The following SPAG16 variants were observed in gnomAD, a reference collection of about 807,000 sequenced individuals.
The protein encoded by SPAG16 is sperm-associated antigen 16 protein.
SPAG16 carries 86 observed loss-of-function variants against 80.4 expected under a neutral mutation model. The ratio of observed to expected loss-of-function variants is 1.07; its 90% CI spans 0.90 to 1.28. SPAG16 has a LOEUF of 1.28. SPAG16 is among the 50% of genes most tolerant of loss of function. The pLI is 0.00. For missense variants in SPAG16, 870 were observed against 765.3 expected, an observed-to-expected ratio of 1.14 and a Z score of -1.61; for synonymous variants, 294 against 265.9, an observed-to-expected ratio of 1.11 and a Z score of -1.03.
intron 15 of SPAG16, among the ~76,000 whole-genome samples, chr2:214,327,620 T>C (rs1031003647): frequency 6.6e-6 from 1 of 152,190 alleles, no homozygotes; most frequent in Non-Finnish European, 1.5e-5. Context: ...AGGGCAATAG[T>C]ATACTTTTTA....
At chr2:213,369,450 A>C (rs1395993243) in intron 8 of SPAG16, among the ~76,000 whole-genome samples, 2 of 152,212 alleles carry the variant, frequency 1.3e-5, no homozygotes, top group Non-Finnish European at 2.9e-5. Flanking sequence ...GAAATGTTTT[A>C]TATCTTAATT....
intron 15 of SPAG16, among the ~76,000 whole-genome samples, chr2:214,332,584 C>T (rs1326122938): frequency 6.6e-6 from 1 of 152,062 alleles, no homozygotes; most frequent in Admixed American, 6.6e-5. Context: ...TCAGAGGTAC[C>T]ACATCTGATA....
chr2:214,232,872 G>A (rs1351684926), intron 15 of SPAG16, among the ~76,000 whole-genome samples: 1 of 151,860 alleles, frequency 6.6e-6, no homozygotes, highest in Non-Finnish European at 1.5e-5. Context: ...CATTAGTTAA[G>A]AGGAGCATTA....
At chr2:213,375,914 G>A (rs562927867) in intron 9 of SPAG16, among the ~76,000 whole-genome samples, 26 of 150,196 alleles carry the variant, frequency 1.7e-4, no homozygotes, top group African/African-American at 6.1e-4. Flanking sequence ...TTGGATTCTG[G>A]TATTGTATAA....
chr2:214,308,438 A>ATGAT (rs1327266226), intron 15 of SPAG16, among the ~76,000 whole-genome samples: 1 of 152,092 alleles, frequency 6.6e-6, no homozygotes, highest in Non-Finnish European at 1.5e-5. Context: ...ATGGTGTTAG[A>ATGAT]TGATTATTTT....
intron 15 of SPAG16, among the ~76,000 whole-genome samples, chr2:214,166,694 G>A (rs2056670533): frequency 6.6e-6 from 1 of 152,156 alleles, no homozygotes; most frequent in African/African-American, 2.4e-5. Flanking sequence ...TTCCTGGCGG[G>A]GCCCTGACCG....
chr2:213,541,343 G>A (rs2076440280), intron 10 of SPAG16, among the ~76,000 whole-genome samples: 1 of 152,224 alleles, frequency 6.6e-6, no homozygotes. Flanking sequence ...CTTGGGCCAT[G>A]CACGGTGGCT....
intron 15 of SPAG16, among the ~76,000 whole-genome samples, chr2:214,255,216 C>T (rs1690593350): frequency 6.6e-6 from 1 of 151,884 alleles, no homozygotes; most frequent in African/African-American, 2.4e-5. Flanking sequence ...GCTAGTGTAC[C>T]CACTTCCTCC....
At chr2:213,358,585 G>T (rs551404124) in intron 7 of SPAG16, among the ~76,000 whole-genome samples, 1 of 152,040 alleles carries the variant, frequency 6.6e-6, no homozygotes, top group Non-Finnish European at 1.5e-5. Flanking sequence ...CAACGTTTTC[G>T]TGCTGTGGTT....
chr2:213,837,177 T>C (rs2074131123), intron 10 of SPAG16, among the ~76,000 whole-genome samples: 1 of 152,220 alleles, frequency 6.6e-6, no homozygotes, highest in Non-Finnish European at 1.5e-5. Flanking sequence ...GAAATATATT[T>C]ATGTATCCAT....
At chr2:214,361,525 C>A (rs886418601) in intron 15 of SPAG16, among the ~76,000 whole-genome samples, 2 of 151,856 alleles carry the variant, frequency 1.3e-5, no homozygotes, top group African/African-American at 2.4e-5. Context: ...GTTCTCCCTG[C>A]AGCTATCTTT....
intron 9 of SPAG16, among the ~76,000 whole-genome samples, chr2:213,428,018 T>A (rs889363306): frequency 1.3e-5 from 2 of 152,214 alleles, no homozygotes; most frequent in African/African-American, 4.8e-5. Flanking sequence ...CAACAGCTAA[T>A]ATAGAAGATG....
At position 213,715,286 on chromosome 2, in the gene SPAG16, CAG is replaced by C. The variant is rs2066192170; in HGVS notation, c.1071-147196_1071-147195del. Among the ~76,000 whole-genome samples the C allele has an allele frequency of 4.8e-5, 6 of 125,098 alleles. No homozygotes were observed. The South Asian group carries it at 1.6e-3, about 33-fold the overall frequency. 82.1% of individuals were successfully genotyped at this position (125,098 alleles called of 152,430 possible). ...TATCTATCCATTCATCCATCTAAGA[CAG>C]AGTAAATTGGACCTAATGATTGGAT... On this transcript the variant is annotated intron_variant, in intron 10 of 15. Transcript: ENST00000331683.
intron 10 of SPAG16, among the ~76,000 whole-genome samples, chr2:213,761,469 T>C (rs527454515): frequency 5.9e-5 from 9 of 152,162 alleles, no homozygotes; most frequent in Non-Finnish European, 1.3e-4. Flanking sequence ...ACCCAAGACT[T>C]GGTTCTTTAA....
intron 15 of SPAG16, among the ~76,000 whole-genome samples, chr2:214,171,852 T>C (rs2056878409): frequency 6.6e-6 from 1 of 151,932 alleles, no homozygotes; most frequent in African/African-American, 2.4e-5. Context: ...TTATTAATGT[T>C]TTTTTCTTTT....
chr2:213,284,663 TG>T, intron 1 of SPAG16, 44 bp downstream of exon 1: 2 of 1,588,876 alleles, frequency 1.3e-6, no homozygotes, highest in Non-Finnish European at 1.7e-6. Context: ...TGGCGGGTAA[TG>T]GGTGTTGGGA....
intron 15 of SPAG16, among the ~76,000 whole-genome samples, chr2:214,248,635 A>C (rs1690031431): frequency 6.6e-6 from 1 of 152,026 alleles, no homozygotes; most frequent in Non-Finnish European, 1.5e-5. Context: ...CACTATTCTA[A>C]GCACTTGATT....
chr2:214,059,233 T>TATATATATAC lies in SPAG16; in HGVS notation c.1527+45164_1527+45165insACATATATAT, dbSNP rs1425340394. ...ATATATATGTATGTGTATATATATA[T>TATATATATAC]ATATATATGTATGTATATATATGTA... On this transcript the variant is annotated intron_variant, in intron 13 of 15. Transcript: ENST00000331683. 7.1e-4 allele frequency among the ~76,000 whole-genome samples: 85 copies of TATATATATAC among 119,538 alleles called. 3 individuals are homozygous for TATATATATAC. Among genetic ancestry groups the TATATATATAC allele is most frequent in the African/African-American group, 2.7e-3 (84 of 30,696 alleles). 78.4% of individuals were successfully genotyped at this position (119,538 alleles called of 152,430 possible).
At chr2:213,957,992 A>C (rs75045695) in intron 12 of SPAG16, among the ~76,000 whole-genome samples, 4,356 of 152,264 alleles carry the variant, frequency 0.029, 201 homozygotes, top group African/African-American at 0.099. Context: ...CAGCACAACA[A>C]AGCCCATTAG....
Sources: gnomAD v4.1 joint callset for allele counts (sites outside exome capture counted in the v4.1 genomes callset) on GRCh38, gnomAD v4.1.1 for gene constraint, MANE v1.5 for transcripts, NCBI Gene and HGNC (gene_info 2026-07-23, HGNC 2026-07-21) for gene names.